HUNK: variants seen among roughly 807,000 people sequenced by gnomAD.
HUNK encodes the protein hormonally up-regulated neu tumor-associated kinase.
In HUNK, 21 loss-of-function variants were observed where a neutral mutation model predicts 61.0. That is an observed-to-expected ratio of 0.34 (90% CI 0.24 to 0.50). HUNK has a LOEUF of 0.50. Ranked by LOEUF, HUNK falls within the 20% of genes least tolerant of loss-of-function variation. The pLI, the probability that HUNK is intolerant of heterozygous loss-of-function variation, is 0.98. For synonymous variants in HUNK, 371 were observed against 386.1 expected (o/e 0.96, Z 0.46); for missense variants, 772 against 945.7 (o/e 0.82, Z 2.41).
chr21:31,934,107 A>T (rs1390895062), intron 2 of HUNK, among the ~76,000 whole-genome samples: 1 of 152,152 alleles, frequency 6.6e-6, no homozygotes, highest in Non-Finnish European at 1.5e-5. Context: ...TGATAGAGCC[A>T]GTATTCTGGA....
chr21:31,973,885 T>G (rs1018510665), intron 6 of HUNK, among the ~76,000 whole-genome samples: 2 of 152,082 alleles, frequency 1.3e-5, no homozygotes, highest in African/African-American at 4.8e-5. Flanking sequence ...TCTTTGCCAT[T>G]TTATCCCAAG....
At chr21:31,961,362 C>A (rs1046900122) in intron 5 of HUNK, among the ~76,000 whole-genome samples, 3 of 152,030 alleles carry the variant, frequency 2.0e-5, no homozygotes, top group Non-Finnish European at 2.9e-5. Context: ...TGTAAACATT[C>A]ATGTTTAAGT....
intron 6 of HUNK, among the ~76,000 whole-genome samples, chr21:31,972,370 A>T (rs2053017658): frequency 2.0e-5 from 3 of 152,222 alleles, no homozygotes; most frequent in African/African-American, 7.2e-5. Context: ...CAGATTGGTT[A>T]AGTGATACTT....
intron 1 of HUNK, among the ~76,000 whole-genome samples, chr21:31,874,460 C>T (rs1303338748): frequency 3.9e-5 from 6 of 152,004 alleles, no homozygotes; most frequent in Admixed American, 1.3e-4. Context: ...CTGTGGGCTC[C>T]GGCAGCTAGG....
rs71193166 is a variant in HUNK, at chr21:31,979,515, CTTTTTTTT to C, written c.1174-3990_1174-3983del. On this transcript the variant is annotated intron_variant, in intron 7 of 10. Coordinates refer to ENST00000270112, the MANE Select transcript of HUNK (RefSeq NM_014586.2). ...TTCTGGCTATTGAGTTGTTTGCATT[CTTTTTTTT>C]TTTTTTTTTTTTTTTTTTTTGAGAT... Among the ~76,000 whole-genome samples the C allele has an allele frequency of 7.0e-4, 24 of 34,346 alleles. No individual in the cohort carries two copies. The South Asian group carries it at 8.2e-3, about 12-fold the overall frequency. 22.5% of individuals were successfully genotyped at this position (34,346 alleles called of 152,430 possible).
At chr21:31,965,976 G>A (rs1338359622) in intron 5 of HUNK, among the ~76,000 whole-genome samples, 1 of 152,092 alleles carries the variant, frequency 6.6e-6, no homozygotes, top group Non-Finnish European at 1.5e-5. Flanking sequence ...AAGTTCCTTA[G>A]TGGCGATTTC....
Position 32,001,737 on chromosome 21 carries a change from A to T in HUNK, c.*2553A>T, listed in dbSNP as rs898940043. ...ATGTTAGATTCTTTATTATTTTATTATATTTATATGGAAAGCTCGACTCTC... is the reference window on the plus strand; with the variant it reads ...ATGTTAGATTCTTTATTATTTTATTTTATTTATATGGAAAGCTCGACTCTC... On this transcript the variant is annotated 3_prime_UTR_variant, in exon 11 of 11. Coordinates refer to ENST00000270112, the MANE Select transcript of HUNK (RefSeq NM_014586.2). 6.6e-6 allele frequency: 1 copy of T among 152,516 alleles called. No individual in the cohort carries two copies. The highest frequency in any genetic ancestry group is 1.5e-5 in the Non-Finnish European group (1 of 68,022). The allele number at this position is 152,516 out of a possible 1,614,324, so 9.4% of individuals were successfully genotyped here.
chr21:31,873,636 G>C lies in HUNK; in HGVS notation c.-39G>C, dbSNP rs926338471. ...CCTGGGGAGGAGGAGCTGCGAGCGC[G>C]GGAGACGAGCAGGAGCCGCGCGGGC... is the stretch of plus-strand genomic sequence containing the variant. On this transcript the variant is annotated 5_prime_UTR_variant, in exon 1 of 11. Coordinates refer to ENST00000270112, the MANE Select transcript of HUNK (RefSeq NM_014586.2). This position sits in a 1 kb window ranked among gnomAD's most constrained non-coding sequence, Gnocchi z 6.1. 9 of 975,604 alleles carry C rather than the reference G, an allele frequency of 9.2e-6. No homozygotes were observed. The highest frequency in any genetic ancestry group is 7.2e-6 in the Non-Finnish European group (6 of 828,762). 60.4% of individuals were successfully genotyped at this position (975,604 alleles called of 1,614,324 possible).
At chr21:31,878,381 A>G (rs1186272625) in intron 1 of HUNK, among the ~76,000 whole-genome samples, 1 of 152,142 alleles carries the variant, frequency 6.6e-6, no homozygotes, top group Admixed American at 6.5e-5. Flanking sequence ...AATGTTTGTA[A>G]GGAATCAGTA....
chr21:31,995,393 C>T (rs900812607), intron 9 of HUNK, among the ~76,000 whole-genome samples: 4 of 152,198 alleles, frequency 2.6e-5, no homozygotes, highest in Admixed American at 1.3e-4. Flanking sequence ...TTTGCAAAGC[C>T]GTTATTGCAG....
At chr21:31,926,193 CAGGCGTG>C in intron 2 of HUNK, among the ~76,000 whole-genome samples, 1 of 152,236 alleles carries the variant, frequency 6.6e-6, no homozygotes, top group African/African-American at 2.4e-5. Context: ...GCTGGGATTA[CAGGCGTG>C]AGCCACCACG....
Position 32,000,614 on chromosome 21 carries a change from T to A in HUNK, c.*1430T>A. The A allele has an allele frequency of 2.5e-6, 1 of 399,112 alleles. No homozygotes were observed. The highest frequency in any genetic ancestry group is 1.3e-4 in the South Asian group (1 of 7,850). The allele number at this position is 399,112 out of a possible 1,614,324, so 24.7% of individuals were successfully genotyped here. On this transcript the variant is annotated 3_prime_UTR_variant, in exon 11 of 11. Transcript: ENST00000270112. ...GTCTTCAACTTTTGACCGGTGCAGG[T>A]GTGACCAGAGACCACCTCTGTGGCC...
chr21:31,904,962 C>T (rs895823101), intron 1 of HUNK, among the ~76,000 whole-genome samples: 3 of 151,856 alleles, frequency 2.0e-5, no homozygotes, highest in Non-Finnish European at 4.4e-5. Flanking sequence ...CCTGTAATCC[C>T]AGCTACTCGG....
intron 2 of HUNK, among the ~76,000 whole-genome samples, chr21:31,936,640 G>T (rs910410265): frequency 6.6e-6 from 1 of 152,118 alleles, no homozygotes; most frequent in African/African-American, 2.4e-5. Flanking sequence ...ACTTTGAACT[G>T]ATTTTATTTT....
intron 6 of HUNK, among the ~76,000 whole-genome samples, chr21:31,970,573 T>C (rs940705080): frequency 1.3e-5 from 2 of 152,164 alleles, no homozygotes; most frequent in Non-Finnish European, 2.9e-5. Flanking sequence ...CACGCAGGTA[T>C]GCTTTCTGTT....
intron 7 of HUNK, among the ~76,000 whole-genome samples, chr21:31,976,459 CTTTTTTTTTTTT>C (rs34950116): frequency 4.7e-5 from 3 of 63,626 alleles, no homozygotes; most frequent in Admixed American, 2.4e-4. Context: ...TTTTTTGAGA[CTTTTTTTTTTTT>C]TTTTTTTTTT....
chr21:31,934,818 G>A (rs2052722230), intron 2 of HUNK, among the ~76,000 whole-genome samples: 1 of 152,032 alleles, frequency 6.6e-6, no homozygotes, highest in Admixed American at 6.6e-5. Context: ...CGGCATCCAT[G>A]TTGCTGCAGA....
chr21:31,894,785 C>A (rs970629141), intron 1 of HUNK, among the ~76,000 whole-genome samples: 1 of 152,146 alleles, frequency 6.6e-6, no homozygotes, highest in African/African-American at 2.4e-5. Flanking sequence ...ATACCCTTTG[C>A]TCTAGGGCAC....
chr21:31,917,740 A>G (rs1407722502), intron 1 of HUNK, among the ~76,000 whole-genome samples: 4 of 140,314 alleles, frequency 2.9e-5, no homozygotes, highest in Admixed American at 2.0e-4. Context: ...ACACACACAC[A>G]CACACACACA....
Sources: allele counts gnomAD v4.1 joint callset (sites outside exome capture counted in the v4.1 genomes callset), GRCh38; gene constraint gnomAD v4.1.1; non-coding constraint Gnocchi (gnomAD v3.1); transcripts MANE v1.5; gene names NCBI Gene and HGNC (gene_info 2026-07-23, HGNC 2026-07-21).